The following SAMD12 variants were observed in gnomAD, a reference collection of about 807,000 sequenced individuals.
SAMD12 encodes the protein sterile alpha motif domain-containing protein 12.
In SAMD12, 9 loss-of-function variants were observed where a neutral mutation model predicts 15.0. The ratio of observed to expected loss-of-function variants is 0.60; its 90% CI spans 0.36 to 1.05. SAMD12 has a LOEUF of 1.05. Ranked by LOEUF, SAMD12 falls within the 50% of genes least tolerant of loss-of-function variation. The probability of loss-of-function intolerance (pLI) is 0.01; values close to 1 mark genes in which losing one functional copy is unlikely to be tolerated. For synonymous variants in SAMD12, 86 were observed against 90.1 expected (o/e 0.96, Z 0.25); for missense variants, 230 against 234.2 (o/e 0.98, Z 0.12).
At chr8:118,493,996 C>G (rs748072512) in intron 2 of SAMD12, among the ~76,000 whole-genome samples, 3 of 152,164 alleles carry the variant, frequency 2.0e-5, no homozygotes, top group Admixed American at 6.6e-5. Context: ...AAGCTTTTCT[C>G]TTCTCGAAAG....
intron 4 of SAMD12, among the ~76,000 whole-genome samples, chr8:118,217,180 T>G (rs572710453): frequency 6.6e-6 from 1 of 152,200 alleles, no homozygotes; most frequent in Non-Finnish European, 1.5e-5. Flanking sequence ...ATTTTTGTAT[T>G]TTTAGTAGAG....
At chr8:118,503,364 A>G (rs1242898772) in intron 2 of SAMD12, among the ~76,000 whole-genome samples, 1 of 152,160 alleles carries the variant, frequency 6.6e-6, no homozygotes, top group Non-Finnish European at 1.5e-5. Flanking sequence ...TCGGTCTTTA[A>G]TAGGGCAGGT....
intron 4 of SAMD12, among the ~76,000 whole-genome samples, chr8:118,221,255 A>G (rs1467305342): frequency 2.0e-5 from 3 of 152,302 alleles, no homozygotes; most frequent in Admixed American, 2.0e-4. Context: ...GGTGGGATGA[A>G]AGGAAAAAGT....
the SAMD12 span, among the ~76,000 whole-genome samples, chr8:118,172,906 C>T: frequency 2.0e-5 from 3 of 152,168 alleles, no homozygotes; most frequent in Non-Finnish European, 4.4e-5. Context: ...CCCCATTTAT[C>T]CCTCCTTCCA....
At chr8:118,153,885 TC>T in the SAMD12 span, among the ~76,000 whole-genome samples, 1 of 152,144 alleles carries the variant, frequency 6.6e-6, no homozygotes, top group Non-Finnish European at 1.5e-5. Flanking sequence ...TTTTTCTTCA[TC>T]CCGTCATCCA....
At chr8:118,141,017 A>T in the SAMD12 span, among the ~76,000 whole-genome samples, 1 of 152,222 alleles carries the variant, frequency 6.6e-6, no homozygotes, top group Non-Finnish European at 1.5e-5. Flanking sequence ...CATAGCTTAG[A>T]CTATCTTAAC....
At chr8:118,421,286 C>T (rs937855151) in intron 3 of SAMD12, among the ~76,000 whole-genome samples, 2 of 152,122 alleles carry the variant, frequency 1.3e-5, no homozygotes, top group Non-Finnish European at 2.9e-5. Flanking sequence ...TTTCTACTTC[C>T]TTTAAATAAA....
chr8:118,400,703 G>T (rs1727494010), intron 3 of SAMD12: 1 of 152,132 alleles, frequency 6.6e-6, no homozygotes. Flanking sequence ...AGCATAGCAG[G>T]ATACATGCCT....
intron 3 of SAMD12, among the ~76,000 whole-genome samples, chr8:118,419,278 T>C (rs1328363946): frequency 1.5e-5 from 1 of 65,718 alleles, no homozygotes; most frequent in Non-Finnish European, 3.9e-5. Context: ...TCAATTTTTC[T>C]TTTTTTTGTC....
chr8:118,169,815 G>C, the SAMD12 span, among the ~76,000 whole-genome samples: 1 of 152,184 alleles, frequency 6.6e-6, no homozygotes, highest in African/African-American at 2.4e-5. Flanking sequence ...CTGTCTAGAG[G>C]CTCTTCTTTG....
intron 4 of SAMD12, among the ~76,000 whole-genome samples, chr8:118,214,849 C>T (rs928904796): frequency 6.6e-5 from 10 of 152,060 alleles, no homozygotes; most frequent in African/African-American, 1.9e-4. Flanking sequence ...TGCCTTAGAG[C>T]GCATGGATGT....
intron 4 of SAMD12, among the ~76,000 whole-genome samples, chr8:118,336,321 G>C (rs905457009): frequency 2.0e-5 from 3 of 152,278 alleles, no homozygotes; most frequent in African/African-American, 4.8e-5. Context: ...CTATGGATAG[G>C]TCATACATGG....
intron 1 of SAMD12, 195 bp downstream of exon 1, chr8:118,621,609 T>A (rs1828408985): frequency 1.6e-6 from 1 of 632,386 alleles, no homozygotes; most frequent in Admixed American, 2.8e-5. Context: ...CCTTCACGTC[T>A]CTCCAAAGCA....
At chr8:118,306,589 C>A (rs540785646) in intron 4 of SAMD12, among the ~76,000 whole-genome samples, 5 of 152,198 alleles carry the variant, frequency 3.3e-5, no homozygotes, top group African/African-American at 7.2e-5. Context: ...CTAGAAGGAA[C>A]CTGAGTCCTT....
At chr8:118,207,523 T>C (rs1280774638) in intron 4 of SAMD12, among the ~76,000 whole-genome samples, 1 of 152,284 alleles carries the variant, frequency 6.6e-6, no homozygotes, top group East Asian at 1.9e-4. Flanking sequence ...TAATCTAAGA[T>C]ACCATTGAAA....
intron 4 of SAMD12, among the ~76,000 whole-genome samples, chr8:118,345,514 A>G (rs766659874): frequency 2.0e-5 from 3 of 152,248 alleles, no homozygotes; most frequent in Non-Finnish European, 2.9e-5. Context: ...CTCAGAGGAC[A>G]GAGTGGAACC....
chr8:118,262,327 A>G (rs912335246), intron 4 of SAMD12, among the ~76,000 whole-genome samples: 3 of 152,124 alleles, frequency 2.0e-5, no homozygotes, highest in Non-Finnish European at 2.9e-5. Context: ...AAGAGAAACA[A>G]TTTCACACAT....
At chr8:118,315,597 T>C (rs1014648102) in intron 4 of SAMD12, among the ~76,000 whole-genome samples, 7 of 152,188 alleles carry the variant, frequency 4.6e-5, no homozygotes, top group Admixed American at 2.6e-4. Flanking sequence ...GTTACTCATA[T>C]GTGGTTCCTT....
intron 4 of SAMD12, among the ~76,000 whole-genome samples, chr8:118,340,843 C>T (rs1342088020): frequency 5.3e-5 from 8 of 152,134 alleles, no homozygotes; most frequent in African/African-American, 1.4e-4. Flanking sequence ...CATTATGACC[C>T]AAATTCCTAT....
Sources: gnomAD v4.1 joint callset for allele counts (sites outside exome capture counted in the v4.1 genomes callset) on GRCh38, gnomAD v4.1.1 for gene constraint, MANE v1.5 for transcripts, NCBI Gene and HGNC (gene_info 2026-07-23, HGNC 2026-07-21) for gene names.